SLC66A2: variants seen among roughly 807,000 people sequenced by gnomAD.
SLC66A2 encodes the protein PQ loop repeat containing 1.
A neutral mutation model predicts 25.5 loss-of-function variants in SLC66A2; 23 were observed. The ratio of observed to expected loss-of-function variants is 0.90; its 90% confidence interval spans 0.65 to 1.28. The LOEUF is 1.28. Ranked by LOEUF, SLC66A2 falls within the 50% of genes most tolerant of loss-of-function variation. SLC66A2 has a pLI of 0.00. For missense variants in SLC66A2, 396 were observed against 373.1 expected (o/e 1.06, Z -0.51); for synonymous variants, 193 against 166.5 (o/e 1.16, Z -1.23).
At chr18:79,919,606 CA>C in intron 4 of SLC66A2, among the ~76,000 whole-genome samples, 1 of 7,922 alleles carries the variant, frequency 1.3e-4, no homozygotes, top group Admixed American at 3.7e-3. Flanking sequence ...AGGGAGAGGT[CA>C]AGGTCAGTGG....
chr18:79,951,031 G>C lies in SLC66A2; in HGVS notation c.-99-6C>G, dbSNP rs2051104090. 1.2e-6 allele frequency: 1 copy of C among 803,868 alleles called. No individual in the cohort carries two copies. Among genetic ancestry groups the C allele is most frequent in the African/African-American group, 1.8e-5 (1 of 54,530 alleles). 49.8% of individuals were successfully genotyped at this position (803,868 alleles called of 1,614,324 possible). On this transcript the variant is annotated splice_region_variant and splice_polypyrimidine_tract_variant and intron_variant, in intron 1 of 5. Coordinates refer to ENST00000397778, the MANE Select transcript of SLC66A2 (RefSeq NM_025078.5). ...CGCTCCTGCGGCCTCGGGGCCTGCG[G>C]GGAGCGGGGAGCTGCTCGAGTTCCG...
intron 5 of SLC66A2, among the ~76,000 whole-genome samples, chr18:79,911,396 C>G (rs1983093790): frequency 6.6e-6 from 1 of 152,270 alleles, no homozygotes; most frequent in South Asian, 2.1e-4. Flanking sequence ...CCAACAAAGA[C>G]AGAGGGCTCC....
At chr18:79,929,885 A>T (rs1986386251) in intron 4 of SLC66A2, among the ~76,000 whole-genome samples, 2 of 152,188 alleles carry the variant, frequency 1.3e-5, no homozygotes, top group Admixed American at 1.3e-4. Flanking sequence ...AAGAAATATC[A>T]ATAAAGACTA....
chr18:79,951,025 C>T lies in SLC66A2; in HGVS notation c.-99G>A. 2.2e-6 allele frequency: 2 copies of T among 924,032 alleles called. No homozygotes were observed. Among genetic ancestry groups the T allele is most frequent in the Non-Finnish European group, 2.9e-6 (2 of 687,126 alleles). The allele number at this position is 924,032 out of a possible 1,614,324, so 57.2% of individuals were successfully genotyped here. A position where few individuals can be genotyped will look rare whatever the true frequency, so the allele number is the denominator to read the frequency against. On this transcript the variant is annotated splice_region_variant and 5_prime_UTR_variant, in exon 2 of 6. Coordinates refer to ENST00000397778, the MANE Select transcript of SLC66A2 (RefSeq NM_025078.5). Reference sequence around the variant, plus strand: ...TCCGCGCGCTCCTGCGGCCTCGGGGCCTGCGGGGAGCGGGGAGCTGCTCGA... The same window carrying T: ...TCCGCGCGCTCCTGCGGCCTCGGGGTCTGCGGGGAGCGGGGAGCTGCTCGA...
Position 79,937,247 on chromosome 18 carries a change from A to G in SLC66A2, c.338-3225T>C, listed in dbSNP as rs889580657. Among the ~76,000 whole-genome samples the G allele has an allele frequency of 2.6e-5, 4 of 152,198 alleles. No individual in the cohort carries two copies. The highest frequency in any genetic ancestry group is 5.9e-5 in the Non-Finnish European group (4 of 68,042). ...CGACGGATTCTAGGTCTGGGGCAGG[A>G]GATGTAGCCGCCACACGAGCACCCT... On this transcript the variant is annotated intron_variant, in intron 3 of 5. Transcript: ENST00000397778. This position sits in a 1 kb window ranked among gnomAD's most constrained non-coding sequence, Gnocchi z 5.4.
At chr18:79,905,953 A>C (rs1222377700) in intron 5 of SLC66A2, among the ~76,000 whole-genome samples, 3 of 152,218 alleles carry the variant, frequency 2.0e-5, no homozygotes, top group Non-Finnish European at 4.4e-5. Flanking sequence ...TGCATCTACA[A>C]CTTCCTTCAT....
chr18:79,951,315 T>G (rs1464900560), intron 1 of SLC66A2, among the ~76,000 whole-genome samples: 5 of 53,964 alleles, frequency 9.3e-5, no homozygotes, highest in South Asian at 5.3e-4. Context: ...CGCCCCGGGA[T>G]GGGGTGGGGG....
chr18:79,936,636 A>G (rs532868308), intron 3 of SLC66A2, among the ~76,000 whole-genome samples: 12 of 152,390 alleles, frequency 7.9e-5, no homozygotes, highest in African/African-American at 2.9e-4. Context: ...TTTCTCAAAT[A>G]ACCCCTAAGA....
rs1438298278 is a variant in SLC66A2, at chr18:79,903,684, G to A, written c.*292C>T. 2.2e-5 allele frequency: 9 copies of A among 411,174 alleles called. No individual in the cohort carries two copies. In the East Asian group the frequency reaches 3.5e-4, roughly 16 times the overall value. The allele number at this position is 411,174 out of a possible 1,614,324, so 25.5% of individuals were successfully genotyped here. A position where few individuals can be genotyped will look rare whatever the true frequency, so the allele number is the denominator to read the frequency against. ...CCCAATGTGTACCTTGGGCTCAGACGGTGTTTCATAAGAGGAAATGGGGAA... is the reference window on the plus strand; with the variant it reads ...CCCAATGTGTACCTTGGGCTCAGACAGTGTTTCATAAGAGGAAATGGGGAA... On this transcript the variant is annotated 3_prime_UTR_variant, in exon 6 of 6. Transcript: ENST00000397778.
chr18:79,942,429 G>A (rs759289733), intron 3 of SLC66A2, among the ~76,000 whole-genome samples: 2 of 152,186 alleles, frequency 1.3e-5, no homozygotes, highest in Non-Finnish European at 2.9e-5. Context: ...AGACAAAAAG[G>A]CAGAGGTGGG....
chr18:79,943,730 G>A, intron 2 of SLC66A2: 1 of 401,214 alleles, frequency 2.5e-6, no homozygotes, highest in Non-Finnish European at 4.5e-6. Context: ...GAAAGATCCT[G>A]TGTCAGGAGG....
In SLC66A2 at chr18:79,904,966, C is replaced by G. The variant is rs922373090; in HGVS notation, c.609-783G>C. On this transcript the variant is annotated intron_variant, in intron 5 of 5. Transcript: ENST00000397778. The surrounding 1 kb of genome is among the most constrained non-coding windows in gnomAD (Gnocchi z 6.3). ...AGGACAGGACACAGCCCTCCCCCAC[C>G]CTGGGGCGTCCGTCCCGCTCATAAG... 6.6e-6 allele frequency among the ~76,000 whole-genome samples: 1 copy of G among 152,186 alleles called. No individual in the cohort carries two copies. The highest frequency in any genetic ancestry group is 1.5e-5 in the Non-Finnish European group (1 of 68,030).
In SLC66A2 at chr18:79,919,252, C is replaced by CA; in HGVS notation, c.539dup (p.Thr181AspfsTer34). The CA allele has an allele frequency of 6.2e-7, 1 of 1,613,276 alleles. No homozygotes were observed. The highest frequency in any genetic ancestry group is 8.5e-7 in the Non-Finnish European group (1 of 1,180,022). ...GGGGCACACCCAGCATGGCTTCGGT[C>CA]AGCACAGCCAGGAAGCCCAGGGTCT... On this transcript the variant is annotated frameshift_variant, in exon 5 of 6. Coordinates refer to ENST00000397778, the MANE Select transcript of SLC66A2 (RefSeq NM_025078.5). LOFTEE classifies it high-confidence loss of function.
chr18:79,913,913 CTTGT>C (rs1341559106), intron 5 of SLC66A2, among the ~76,000 whole-genome samples: 3 of 152,154 alleles, frequency 2.0e-5, no homozygotes, highest in Admixed American at 6.5e-5. Flanking sequence ...CCACCAAAGT[CTTGT>C]TTGTTTTTTT....
rs1382697244 is a variant in SLC66A2, at chr18:79,904,798, G to A, written c.609-615C>T. ...CCGAACACGCTTCCCCCACCGCTGT[G>A]TTCATGCCCTGGCTTGCCTAGCAGT... On this transcript the variant is annotated intron_variant, in intron 5 of 5. Coordinates refer to ENST00000397778, the MANE Select transcript of SLC66A2 (RefSeq NM_025078.5). This position sits in a 1 kb window ranked among gnomAD's most constrained non-coding sequence, Gnocchi z 6.3. Among the ~76,000 whole-genome samples the A allele has an allele frequency of 6.6e-6, 1 of 152,224 alleles. No homozygotes were observed. The highest frequency in any genetic ancestry group is 2.4e-5 in the African/African-American group (1 of 41,456).
rs1223355476 is a variant in SLC66A2, at chr18:79,927,145, C to T, written c.391+6824G>A. On this transcript the variant is annotated intron_variant, in intron 4 of 5. Coordinates refer to ENST00000397778, the MANE Select transcript of SLC66A2 (RefSeq NM_025078.5). This position sits in a 1 kb window ranked among gnomAD's most constrained non-coding sequence, Gnocchi z 6.2. ...CTACCTGCTGCGTCTGCTTCTCCAC[C>T]CCACTCCAGCTGAGCAGGCAGAGCC... 6.6e-6 allele frequency among the ~76,000 whole-genome samples: 1 copy of T among 152,248 alleles called. No individual in the cohort carries two copies. The highest frequency in any genetic ancestry group is 1.5e-5 in the Non-Finnish European group (1 of 68,046).
rs542072044 is a variant in SLC66A2, at chr18:79,940,303, T to G, written c.337+3026A>C. On this transcript the variant is annotated intron_variant, in intron 3 of 5. Transcript: ENST00000397778. This position sits in a 1 kb window ranked among gnomAD's most constrained non-coding sequence, Gnocchi z 4.1. The stretch of plus-strand genomic sequence containing the variant: ...GGTACTAGGCTTAATACCTGGGTGA[T>G]GAAATAATCTGCACACTGGCCGGGC... Among the ~76,000 whole-genome samples the G allele has an allele frequency of 6.6e-6, 1 of 152,028 alleles. No homozygotes were observed. The highest frequency in any genetic ancestry group is 2.1e-4 in the South Asian group (1 of 4,818).
At chr18:79,924,132 C>T (rs750965895) in intron 4 of SLC66A2, among the ~76,000 whole-genome samples, 3 of 152,034 alleles carry the variant, frequency 2.0e-5, no homozygotes, top group South Asian at 2.1e-4. Context: ...GAGAGGCTCC[C>T]GAGGATGGCA....
At chr18:79,916,767 T>C (rs1359697871) in intron 5 of SLC66A2, among the ~76,000 whole-genome samples, 1 of 152,268 alleles carries the variant, frequency 6.6e-6, no homozygotes. Context: ...CGGCGGTTTA[T>C]GTCTGTCCTT....
Sources: gnomAD v4.1 joint callset for allele counts (sites outside exome capture counted in the v4.1 genomes callset) on GRCh38, gnomAD v4.1.1 for gene constraint, Gnocchi (gnomAD v3.1) non-coding constraint, MANE v1.5 for transcripts, NCBI Gene and HGNC (gene_info 2026-07-23, HGNC 2026-07-21) for gene names.